NBEA: variants seen among roughly 807,000 people sequenced by gnomAD.
NBEA encodes the protein lysosomal-trafficking regulator 2.
Under a neutral mutation model 343.4 loss-of-function variants are expected in NBEA, and 44 were observed. That is an observed-to-expected ratio of 0.13 (90% CI 0.10 to 0.16). The LOEUF is 0.16. Ranked by LOEUF, NBEA falls within the 10% of genes least tolerant of loss-of-function variation. The pLI, the probability that NBEA is intolerant of heterozygous loss-of-function variation, is 1.00. For synonymous variants in NBEA, 1,175 were observed against 1,238.7 expected, an observed-to-expected ratio of 0.95 and a Z score of 1.08; for missense variants, 2,555 against 3,631.3, an observed-to-expected ratio of 0.70 and a Z score of 7.62.
chr13:35,454,942 T>C (rs1343079274), intron 40 of NBEA, among the ~76,000 whole-genome samples: 1 of 151,840 alleles, frequency 6.6e-6, no homozygotes, highest in East Asian at 1.9e-4. Context: ...TAATATAATC[T>C]TATATTTATT....
chr13:35,627,243 C>T (rs1476735614), intron 48 of NBEA, among the ~76,000 whole-genome samples: 1 of 152,098 alleles, frequency 6.6e-6, no homozygotes, highest in East Asian at 1.9e-4. Context: ...GCTAGATGTA[C>T]AGCTCTTTTC....
At chr13:35,656,494 A>G (rs534244849) in intron 55 of NBEA, among the ~76,000 whole-genome samples, 1 of 152,300 alleles carries the variant, frequency 6.6e-6, no homozygotes, top group East Asian at 1.9e-4. Context: ...ACTTTTATTT[A>G]TGTAAGAGAA....
chr13:35,666,955 T>C (rs2085384406), intron 56 of NBEA, among the ~76,000 whole-genome samples: 1 of 152,220 alleles, frequency 6.6e-6, no homozygotes, highest in Non-Finnish European at 1.5e-5. Flanking sequence ...ATTGATGTGG[T>C]ACAACGCGTA....
chr13:35,096,571 A>G (rs1050656154), intron 10 of NBEA, among the ~76,000 whole-genome samples: 1 of 151,866 alleles, frequency 6.6e-6, no homozygotes, highest in African/African-American at 2.4e-5. Flanking sequence ...TTCATGGATC[A>G]TAGGGACCAT....
intron 39 of NBEA, among the ~76,000 whole-genome samples, chr13:35,441,552 C>T (rs1359589328): frequency 4.6e-5 from 7 of 152,114 alleles, no homozygotes; most frequent in African/African-American, 9.7e-5. Context: ...AATTCTTTGA[C>T]TTCTTGCTGG....
At chr13:35,624,362 A>G (rs1294449068) in intron 48 of NBEA, among the ~76,000 whole-genome samples, 1 of 152,162 alleles carries the variant, frequency 6.6e-6, no homozygotes, top group Non-Finnish European at 1.5e-5. Context: ...AAACTTAACC[A>G]AGAACACTAA....
At chr13:35,550,312 T>G (rs1355806095) in intron 41 of NBEA, among the ~76,000 whole-genome samples, 165 bp from the exon 42 acceptor site, 1 of 152,196 alleles carries the variant, frequency 6.6e-6, no homozygotes, top group Non-Finnish European at 1.5e-5. Context: ...TAAGACACTT[T>G]AGAAAGGCAG....
At position 35,593,396 on chromosome 13, in the gene NBEA, A is replaced by G. The variant is rs753123514; in HGVS notation, c.7245A>G (p.Ser2415=). The change falls in exon 47 of 59, where the codon TCA becomes TCG. Residue 2415 remains serine (S), a synonymous_variant. Transcript: ENST00000379939. ...GKFDHPDRTF[S]SVARSWRTSQ... ...TTGATCATCCAGATCGAACCTTCTCATCCGTTGCAAGGTCTTGGAGAACTA... is the reference window on the plus strand; with the variant it reads ...TTGATCATCCAGATCGAACCTTCTCGTCCGTTGCAAGGTCTTGGAGAACTA... The G allele has an allele frequency of 1.2e-6, 2 of 1,611,412 alleles. No individual in the cohort carries two copies. Among genetic ancestry groups the G allele is most frequent in the Non-Finnish European group, 8.5e-7 (1 of 1,177,838 alleles).
chr13:35,179,928 G>C (rs1210490298), intron 28 of NBEA: 1 of 338,896 alleles, frequency 3.0e-6, no homozygotes, highest in East Asian at 1.7e-4. Flanking sequence ...ATTTTAAACA[G>C]TTTGTAAGAC....
In NBEA at chr13:35,183,981, G is replaced by A; in HGVS notation, c.4837G>A (p.Val1613Ile). 5 of 1,609,924 alleles carry A rather than the reference G, an allele frequency of 3.1e-6. No homozygotes were observed. Among genetic ancestry groups the A allele is most frequent in the South Asian group, 1.1e-5 (1 of 90,806 alleles). Residue 1613 changes from valine (V) to isoleucine (I), a missense_variant, in exon 30 of 59, where the codon GTC becomes ATC. Around this residue, in one of 21 missense-constraint regions of NBEA, gnomAD observed 270 missense variants for 293.3 expected, o/e 0.92. Transcript: ENST00000379939. ...EINSPTSTVV[V>I]IPSIPHPSLN... Reference sequence around the variant, plus strand: ...TTCCATGATTTTCTCCACAGTTGTGGTCATACCATCTATCCCTCATCCAAG... The same window carrying A: ...TTCCATGATTTTCTCCACAGTTGTGATCATACCATCTATCCCTCATCCAAG...
chr13:35,530,177 T>A (rs1347323645), intron 41 of NBEA, among the ~76,000 whole-genome samples: 3 of 152,244 alleles, frequency 2.0e-5, no homozygotes, highest in Admixed American at 6.5e-5. Context: ...TTAATTACTG[T>A]GTAAAAATAA....
intron 49 of NBEA, among the ~76,000 whole-genome samples, chr13:35,643,944 G>C (rs1030217138): frequency 6.6e-6 from 1 of 152,112 alleles, no homozygotes; most frequent in Non-Finnish European, 1.5e-5. Flanking sequence ...TCTTACATGG[G>C]GAGCAGGTGA....
At chr13:35,549,376 T>A (rs1027324804) in intron 41 of NBEA, among the ~76,000 whole-genome samples, 1 of 152,202 alleles carries the variant, frequency 6.6e-6, no homozygotes, top group African/African-American at 2.4e-5. Flanking sequence ...ACTGTTTTCA[T>A]TTCCACCAAA....
At chr13:35,614,820 C>T (rs9574250) in intron 48 of NBEA, among the ~76,000 whole-genome samples, 22,683 of 152,122 alleles carry the variant, frequency 0.15, 1,879 homozygotes, top group East Asian at 0.32. Context: ...CAAGACTTAA[C>T]TGCTGACAAC....
chr13:35,637,739 T>C (rs1469507653), intron 49 of NBEA, among the ~76,000 whole-genome samples: 1 of 151,926 alleles, frequency 6.6e-6, no homozygotes, highest in Non-Finnish European at 1.5e-5. Context: ...GGAGAATCAC[T>C]TGAACCCGGG....
intron 16 of NBEA, 133 bp from the exon 17 acceptor site, chr13:35,123,349 A>G: frequency 2.1e-6 from 1 of 484,924 alleles, no homozygotes; most frequent in Non-Finnish European, 3.4e-6. Flanking sequence ...ATTTTTCCAA[A>G]GAATTATAAT....
chr13:35,368,709 A>G (rs2486016), intron 38 of NBEA, among the ~76,000 whole-genome samples: 18,326 of 151,572 alleles, frequency 0.12, 1,699 homozygotes, highest in African/African-American at 0.24. Flanking sequence ...ATTATTTTTA[A>G]TACACAGTAC....
chr13:35,542,242 A>G (rs1347810283), intron 41 of NBEA, among the ~76,000 whole-genome samples: 2 of 151,866 alleles, frequency 1.3e-5, no homozygotes, highest in African/African-American at 4.8e-5. Context: ...CACAGCCATT[A>G]TAGCAACATT....
chr13:35,241,991 A>C (rs931948547), intron 34 of NBEA, among the ~76,000 whole-genome samples: 6 of 152,098 alleles, frequency 3.9e-5, no homozygotes, highest in African/African-American at 1.4e-4. Flanking sequence ...CCGAATTTTA[A>C]CAAAAATAGT....
Sources: gnomAD v4.1 joint callset for allele counts (sites outside exome capture counted in the v4.1 genomes callset) on GRCh38, gnomAD v4.1.1 for gene constraint, gnomAD v4.1.1 regional missense constraint, MANE v1.5 for transcripts, NCBI Gene and HGNC (gene_info 2026-07-23, HGNC 2026-07-21) for gene names.